ZBTB7C: variants seen among roughly 807,000 people sequenced by gnomAD.
ZBTB7C encodes the protein zinc finger and BTB domain-containing protein 7C.
ZBTB7C carries 8 observed loss-of-function variants against 25.7 expected under a neutral mutation model. The ratio of observed to expected loss-of-function variants is 0.31; its 90% CI spans 0.18 to 0.56. ZBTB7C has a LOEUF of 0.56. Ranked by LOEUF, ZBTB7C falls within the 20% of genes least tolerant of loss-of-function variation. The pLI is 0.91. For synonymous variants in ZBTB7C, 394 were observed against 369.0 expected (o/e 1.07, Z -0.78); for missense variants, 824 against 855.2 (o/e 0.96, Z 0.46).
At chr18:48,227,711 A>T (rs531572779) in intron 2 of ZBTB7C, among the ~76,000 whole-genome samples, 1 of 152,346 alleles carries the variant, frequency 6.6e-6, no homozygotes, top group South Asian at 2.1e-4. Context: ...TACCACAAAA[A>T]TTTTCACTGG....
At chr18:48,291,812 T>C (rs752880059) in intron 2 of ZBTB7C, among the ~76,000 whole-genome samples, 5 of 152,084 alleles carry the variant, frequency 3.3e-5, no homozygotes, top group Non-Finnish European at 7.4e-5. Flanking sequence ...TGGCCAAGCT[T>C]TCTGGAGTTT....
intron 2 of ZBTB7C, among the ~76,000 whole-genome samples, chr18:48,334,941 G>A (rs2046426318): frequency 6.6e-6 from 1 of 152,206 alleles, no homozygotes; most frequent in East Asian, 1.9e-4. Flanking sequence ...CTGGAGTGCA[G>A]TGCCTCGGTG....
chr18:48,264,446 G>A (rs2044255264), intron 2 of ZBTB7C, among the ~76,000 whole-genome samples: 1 of 152,192 alleles, frequency 6.6e-6, no homozygotes, highest in East Asian at 1.9e-4. Context: ...CCTACTCTGG[G>A]AAGCCAGAGC....
chr18:48,232,072 T>G (rs1489031841), intron 2 of ZBTB7C, among the ~76,000 whole-genome samples: 1 of 152,202 alleles, frequency 6.6e-6, no homozygotes, highest in African/African-American at 2.4e-5. Flanking sequence ...AGGCCAGTAG[T>G]GCCAGCTGAG....
chr18:48,187,820 CA>C (rs919402026), intron 2 of ZBTB7C, among the ~76,000 whole-genome samples: 3,216 of 73,286 alleles, frequency 0.044, 66 homozygotes, highest in African/African-American at 0.13. Context: ...GACCCCGTCT[CA>C]AAAAAAAAAA....
intron 3 of ZBTB7C, among the ~76,000 whole-genome samples, chr18:48,090,611 T>A (rs12959158): frequency 0.2 from 30,380 of 152,144 alleles, 3,110 homozygotes; most frequent in Admixed American, 0.25. Context: ...GGCTGAGACC[T>A]TGAATGCTCA....
At chr18:48,149,731 T>C (rs991706057) in intron 3 of ZBTB7C, 7 of 151,680 alleles carry the variant, frequency 4.6e-5, no homozygotes, top group African/African-American at 1.7e-4. Context: ...CCCCCAAGAA[T>C]AGGAAAATAA....
intron 3 of ZBTB7C, among the ~76,000 whole-genome samples, chr18:48,086,811 G>A (rs557140309): frequency 2.0e-4 from 30 of 152,252 alleles, no homozygotes; most frequent in Admixed American, 7.8e-4. Context: ...CTTTGCAAAC[G>A]CTTGTATGTT....
chr18:48,310,409 T>C (rs1196138659), intron 2 of ZBTB7C, among the ~76,000 whole-genome samples: 1 of 148,640 alleles, frequency 6.7e-6, no homozygotes, highest in Non-Finnish European at 1.5e-5. Flanking sequence ...AAACCAGAAA[T>C]ATAAGTAGTG....
At chr18:48,146,125 C>T (rs2040492264) in intron 3 of ZBTB7C, among the ~76,000 whole-genome samples, 1 of 152,106 alleles carries the variant, frequency 6.6e-6, no homozygotes, top group South Asian at 2.1e-4. Flanking sequence ...AGGGAAATAA[C>T]TTGAGATGAT....
At chr18:48,072,335 GATA>G (rs1217737773) in intron 3 of ZBTB7C, 2 of 149,664 alleles carry the variant, frequency 1.3e-5, no homozygotes, top group Non-Finnish European at 3.0e-5. Context: ...GGTTAAATGA[GATA>G]ATGTATATGA....
chr18:48,292,553 G>A (rs986234484), intron 2 of ZBTB7C, among the ~76,000 whole-genome samples: 1 of 152,178 alleles, frequency 6.6e-6, no homozygotes, highest in African/African-American at 2.4e-5. Flanking sequence ...GAAGGACAGG[G>A]GCAAGCAGAG....
chr18:48,129,777 C>T lies in ZBTB7C; in HGVS notation c.-17+56157G>A, dbSNP rs536028686. ...CTTGGTCCCTCCTCCACCCCACCTC[C>T]CCACCCCCTGACAGCTTTAATAAAC... On this transcript the variant is annotated intron_variant, in intron 3 of 4. Coordinates refer to ENST00000590800, the MANE Select transcript of ZBTB7C (RefSeq NM_001318841.2). 2.1e-4 allele frequency among the ~76,000 whole-genome samples: 32 copies of T among 152,320 alleles called. No individual in the cohort carries two copies. In the South Asian group the frequency reaches 6.2e-3, roughly 30 times the overall value.
chr18:48,386,737 CA>C (rs1250776393), intron 1 of ZBTB7C, among the ~76,000 whole-genome samples: 4 of 152,206 alleles, frequency 2.6e-5, no homozygotes, highest in African/African-American at 9.7e-5. Flanking sequence ...CAGAGTTTTG[CA>C]ACCTAAGATA....
intron 2 of ZBTB7C, among the ~76,000 whole-genome samples, chr18:48,218,742 G>T (rs753303138): frequency 6.6e-6 from 1 of 152,168 alleles, no homozygotes; most frequent in Non-Finnish European, 1.5e-5. Context: ...CACCACTGCC[G>T]ACTATGGCTG....
chr18:48,299,515 G>C (rs2045490585), intron 2 of ZBTB7C, among the ~76,000 whole-genome samples: 1 of 152,250 alleles, frequency 6.6e-6, no homozygotes, highest in South Asian at 2.1e-4. Context: ...GAACTTTGCA[G>C]TTGGATCTTC....
At chr18:48,084,584 C>T (rs1482880968) in intron 3 of ZBTB7C, among the ~76,000 whole-genome samples, 2 of 152,270 alleles carry the variant, frequency 1.3e-5, no homozygotes, top group African/African-American at 4.8e-5. Context: ...GAGTGAGTGA[C>T]TCAGGCAGGC....
chr18:48,259,689 C>G (rs187661502), intron 2 of ZBTB7C, among the ~76,000 whole-genome samples: 1 of 152,196 alleles, frequency 6.6e-6, no homozygotes, highest in African/African-American at 2.4e-5. Flanking sequence ...AACAACTGTC[C>G]CTCAAATGGG....
At chr18:48,155,743 A>C (rs1444471774) in intron 3 of ZBTB7C, among the ~76,000 whole-genome samples, 1 of 152,176 alleles carries the variant, frequency 6.6e-6, no homozygotes, top group Non-Finnish European at 1.5e-5. Context: ...CATTGCAGGA[A>C]GGGGATGTGC....
Sources: allele counts gnomAD v4.1 joint callset (sites outside exome capture counted in the v4.1 genomes callset), GRCh38; gene constraint gnomAD v4.1.1; transcripts MANE v1.5; gene names NCBI Gene and HGNC (gene_info 2026-07-23, HGNC 2026-07-21).